KCNQ5: variants seen among roughly 807,000 people sequenced by gnomAD.
KCNQ5 encodes potassium voltage-gated channel subfamily Q member 5.
KCNQ5 carries 30 observed loss-of-function variants against 98.2 expected under a neutral mutation model. The observed-to-expected ratio is 0.31, with a 90% CI of 0.23 to 0.41. The LOEUF is 0.41. Ranked by LOEUF, KCNQ5 falls within the 10% of genes least tolerant of loss-of-function variation. The pLI is 1.00. For synonymous variants in KCNQ5, 458 were observed against 449.4 expected, an observed-to-expected ratio of 1.02 and a Z score of -0.24; for missense variants, 835 against 1,182.5, an observed-to-expected ratio of 0.71 and a Z score of 4.31.
At chr6:73,091,742 T>G (rs1344848449) in intron 5 of KCNQ5, among the ~76,000 whole-genome samples, 2 of 127,388 alleles carry the variant, frequency 1.6e-5, no homozygotes, top group African/African-American at 2.9e-5. Flanking sequence ...GTTGTTGTTG[T>G]TTGGTTGGTT....
At chr6:73,124,279 G>A in intron 8 of KCNQ5, among the ~76,000 whole-genome samples, 1 of 152,188 alleles carries the variant, frequency 6.6e-6, no homozygotes, top group East Asian at 1.9e-4. Context: ...CCAAGTAAAT[G>A]TTGTGCTATC....
chr6:72,969,036 G>C (rs758393043), intron 1 of KCNQ5, among the ~76,000 whole-genome samples: 7 of 152,118 alleles, frequency 4.6e-5, no homozygotes, highest in Non-Finnish European at 1.0e-4. Context: ...GTACAGTTTG[G>C]CTTCTGTAAG....
chr6:72,878,025 C>A (rs933918921), intron 1 of KCNQ5, among the ~76,000 whole-genome samples: 2 of 152,206 alleles, frequency 1.3e-5, no homozygotes, highest in African/African-American at 4.8e-5. Context: ...GATCCCAGCA[C>A]TTTGGGAGGC....
At position 73,114,410 on chromosome 6, in the gene KCNQ5, C is replaced by T. The variant is rs960405028; in HGVS notation, c.1125+3007C>T. The stretch of plus-strand genomic sequence containing the variant: ...TTGGTGAGAGAACTAAATTAACCAA[C>T]ATTTCAGGGTTTTAGGAAAAAAATT... On this transcript the variant is annotated intron_variant, in intron 7 of 13. Transcript: ENST00000370398. 2.2e-4 allele frequency among the ~76,000 whole-genome samples: 33 copies of T among 152,168 alleles called. 1 individual carries two copies. The highest frequency in any genetic ancestry group is 1.9e-3 in the Admixed American group (29 of 15,276).
intron 10 of KCNQ5, among the ~76,000 whole-genome samples, chr6:73,138,778 A>T (rs200313711): frequency 1.3e-5 from 2 of 152,150 alleles, no homozygotes; most frequent in East Asian, 3.9e-4. Flanking sequence ...TCTGGGTGAG[A>T]TGAAGATGCA....
intron 2 of KCNQ5, among the ~76,000 whole-genome samples, chr6:73,036,779 G>T (rs921104987): frequency 6.6e-6 from 1 of 152,082 alleles, no homozygotes. Context: ...TTTGGGGTCT[G>T]GTCATTATGA....
intron 5 of KCNQ5, among the ~76,000 whole-genome samples, chr6:73,103,747 A>T (rs1774891494): frequency 4.5e-5 from 1 of 22,286 alleles, no homozygotes; most frequent in South Asian, 2.7e-3. Context: ...GAGATGGTTA[A>T]TGGACACCAA....
intron 1 of KCNQ5, among the ~76,000 whole-genome samples, chr6:72,746,118 A>T (rs1771392185): frequency 6.8e-6 from 1 of 146,886 alleles, no homozygotes; most frequent in Non-Finnish European, 1.5e-5. Context: ...TCACATTCAC[A>T]AATACCAGAG....
At chr6:72,982,048 A>G (rs980589133) in intron 1 of KCNQ5, among the ~76,000 whole-genome samples, 3 of 152,146 alleles carry the variant, frequency 2.0e-5, no homozygotes, top group Admixed American at 6.5e-5. Flanking sequence ...GTCCTTTTAC[A>G]TTTGCAGAGG....
intron 1 of KCNQ5, among the ~76,000 whole-genome samples, chr6:72,996,235 A>G (rs939829854): frequency 1.3e-5 from 2 of 152,216 alleles, no homozygotes; most frequent in African/African-American, 2.4e-5. Flanking sequence ...CTGGGACACT[A>G]TTACTATTTG....
intron 5 of KCNQ5, among the ~76,000 whole-genome samples, chr6:73,098,878 ATTAT>A (rs1774636790): frequency 6.6e-6 from 1 of 152,312 alleles, no homozygotes; most frequent in South Asian, 2.1e-4. Context: ...AATTGTGCTA[ATTAT>A]TTATATTTTA....
At chr6:72,823,948 T>G (rs1219299178) in intron 1 of KCNQ5, among the ~76,000 whole-genome samples, 1 of 152,218 alleles carries the variant, frequency 6.6e-6, no homozygotes, top group African/African-American at 2.4e-5. Context: ...TCTTTCATAG[T>G]AAACACATAT....
At chr6:73,104,012 A>C (rs1774903263) in intron 5 of KCNQ5, among the ~76,000 whole-genome samples, 1 of 152,104 alleles carries the variant, frequency 6.6e-6, no homozygotes, top group Admixed American at 6.6e-5. Context: ...AAAAATTAAA[A>C]ATTATTAATA....
intron 11 of KCNQ5, among the ~76,000 whole-genome samples, chr6:73,173,029 T>C (rs1778070807): frequency 6.6e-6 from 1 of 152,236 alleles, no homozygotes; most frequent in South Asian, 2.1e-4. Context: ...CTGGATTCTA[T>C]TATCCAAATG....
chr6:72,898,269 G>A (rs1481918692), intron 1 of KCNQ5, among the ~76,000 whole-genome samples: 1 of 152,072 alleles, frequency 6.6e-6, no homozygotes, highest in East Asian at 1.9e-4. Flanking sequence ...CGTCAGTGAG[G>A]TTTTAAGCCC....
intron 10 of KCNQ5, 117 bp from the exon 11 acceptor site, chr6:73,169,629 A>G (rs1777930426): frequency 1.4e-6 from 1 of 715,204 alleles, no homozygotes; most frequent in Middle Eastern, 2.4e-4. Context: ...CCTTATACAT[A>G]TCTTGGTTTA....
chr6:72,848,917 C>T (rs1231885763), intron 1 of KCNQ5, among the ~76,000 whole-genome samples: 1 of 152,194 alleles, frequency 6.6e-6, no homozygotes, highest in Non-Finnish European at 1.5e-5. Flanking sequence ...CCATGCTAAA[C>T]TGTGAGTCAA....
intron 3 of KCNQ5, among the ~76,000 whole-genome samples, chr6:73,059,896 A>G (rs1582276606): frequency 1.3e-5 from 2 of 152,284 alleles, no homozygotes; most frequent in East Asian, 3.9e-4. Flanking sequence ...CTGAAGGACC[A>G]TTTTTTAAAT....
chr6:72,836,037 C>A (rs1391735876), intron 1 of KCNQ5, among the ~76,000 whole-genome samples: 1 of 152,142 alleles, frequency 6.6e-6, no homozygotes, highest in African/African-American at 2.4e-5. Flanking sequence ...TTTATTGAGA[C>A]CCAGTTGTTA....
Sources: allele counts gnomAD v4.1 joint callset (sites outside exome capture counted in the v4.1 genomes callset), GRCh38; gene constraint gnomAD v4.1.1; transcripts MANE v1.5; gene names NCBI Gene and HGNC (gene_info 2026-07-23, HGNC 2026-07-21).